Variants in EPSTI1 observed in about 807,000 individuals in gnomAD.
The protein encoded by EPSTI1 is epithelial-stromal interaction protein 1.
A neutral mutation model predicts 49.9 loss-of-function variants in EPSTI1; 66 were observed. That is an observed-to-expected ratio of 1.32 (90% CI 1.08 to 1.62). The LOEUF (loss-of-function observed/expected upper bound fraction) is 1.62. Among genes scored for constraint, EPSTI1 ranks in the 40% most tolerant of loss-of-function variants. The probability of loss-of-function intolerance (pLI) is 0.00; values close to 1 mark genes in which losing one functional copy is unlikely to be tolerated. For synonymous variants in EPSTI1, 137 were observed against 130.7 expected, an observed-to-expected ratio of 1.05 and a Z score of -0.33; for missense variants, 394 against 365.5, an observed-to-expected ratio of 1.08 and a Z score of -0.64.
rs1239574581 is a variant in EPSTI1, at chr13:42,888,375, T to C, written c.*119A>G. ...TCACTCCTGACTGCACGGTCAAGTG[T>C]GTGGGCAGTTGAAATTAAGGTAAAA... On this transcript the variant is annotated 3_prime_UTR_variant, in exon 11 of 11. Coordinates refer to ENST00000313624, the MANE Select transcript of EPSTI1 (RefSeq NM_033255.5). The C allele has an allele frequency of 1.2e-6, 2 of 1,613,976 alleles. No individual in the cohort carries two copies. Among genetic ancestry groups the C allele is most frequent in the East Asian group, 4.5e-5 (2 of 44,884 alleles).
chr13:42,926,150 C>T (rs2038169659), intron 7 of EPSTI1, among the ~76,000 whole-genome samples, 186 bp downstream of exon 7: 1 of 152,026 alleles, frequency 6.6e-6, no homozygotes, highest in South Asian at 2.1e-4. Flanking sequence ...AGTCCAGGTG[C>T]CCATAAAATA....
intron 6 of EPSTI1, among the ~76,000 whole-genome samples, chr13:42,947,301 T>TC (rs2038946333): frequency 2.1e-5 from 1 of 48,224 alleles, no homozygotes; most frequent in South Asian, 5.3e-4. Context: ...CCCAGACATT[T>TC]CAAAAAAAAA....
intron 6 of EPSTI1, among the ~76,000 whole-genome samples, chr13:42,940,966 A>C (rs2038733233): frequency 6.6e-6 from 1 of 152,176 alleles, no homozygotes; most frequent in South Asian, 2.1e-4. Flanking sequence ...TGTGAAATTA[A>C]GCCTTTATCC....
rs78689101 is a variant in EPSTI1, at chr13:42,915,595, G to C, written c.741+1946C>G. On this transcript the variant is annotated intron_variant, in intron 8 of 10. Transcript: ENST00000313624. ...ACAACACGTCAGGCAAAAAAAGAGA[G>C]AAGCAAAAGTAAGGTAGAATAGATG... Among the ~76,000 whole-genome samples the C allele has an allele frequency of 2.6e-5, 4 of 152,162 alleles. No individual in the cohort carries two copies. The East Asian group carries it at 5.8e-4, about 22-fold the overall frequency.
chr13:42,959,602 A>C (rs998806742), intron 5 of EPSTI1, among the ~76,000 whole-genome samples: 2 of 152,168 alleles, frequency 1.3e-5, no homozygotes, highest in African/African-American at 2.4e-5. Context: ...GTTAGTTCCT[A>C]CTTCACCGTA....
At chr13:42,947,496 G>A (rs886588633) in intron 6 of EPSTI1, among the ~76,000 whole-genome samples, 1 of 152,178 alleles carries the variant, frequency 6.6e-6, no homozygotes, top group Non-Finnish European at 1.5e-5. Flanking sequence ...TGTCATCCCT[G>A]ATGTCACTTC....
At chr13:42,973,800 C>T (rs1039779473) in intron 1 of EPSTI1, among the ~76,000 whole-genome samples, 9 of 152,200 alleles carry the variant, frequency 5.9e-5, no homozygotes, top group African/African-American at 2.2e-4. Flanking sequence ...CAACAACCAA[C>T]ATTTCGCATT....
At chr13:42,990,496 C>T (rs2040174540) in intron 1 of EPSTI1, among the ~76,000 whole-genome samples, 1 of 152,138 alleles carries the variant, frequency 6.6e-6, no homozygotes, top group Admixed American at 6.6e-5. Flanking sequence ...TCATGTTCAT[C>T]GTTAACTATT....
In EPSTI1 at chr13:42,922,312, A is replaced by G. The variant is rs916844099; in HGVS notation, c.657+4024T>C. On this transcript the variant is annotated intron_variant, in intron 7 of 10. Coordinates refer to ENST00000313624, the MANE Select transcript of EPSTI1 (RefSeq NM_033255.5). This position sits in a 1 kb window ranked among gnomAD's most constrained non-coding sequence, Gnocchi z 4.8. ...CTTTATGTGACAAAAGGGACTTTGCAGAAATTAAGGATCTGGAAGTGGAGA... is the reference window on the plus strand; with the variant it reads ...CTTTATGTGACAAAAGGGACTTTGCGGAAATTAAGGATCTGGAAGTGGAGA... Among the ~76,000 whole-genome samples the G allele has an allele frequency of 6.6e-6, 1 of 152,206 alleles. No homozygotes were observed. Among genetic ancestry groups the G allele is most frequent in the Non-Finnish European group, 1.5e-5 (1 of 68,032 alleles).
At chr13:42,955,074 A>G (rs1476182268) in intron 5 of EPSTI1, among the ~76,000 whole-genome samples, 1 of 152,232 alleles carries the variant, frequency 6.6e-6, no homozygotes, top group Non-Finnish European at 1.5e-5. Flanking sequence ...TCAGAAAAAA[A>G]CTAAAGGAAA....
intron 8 of EPSTI1, among the ~76,000 whole-genome samples, chr13:42,901,373 A>G (rs1004096769): frequency 6.6e-6 from 1 of 152,188 alleles, no homozygotes; most frequent in Admixed American, 6.5e-5. Context: ...CCCCCAAAAT[A>G]AAAAGACTTA....
At position 42,889,261 on chromosome 13, in the gene EPSTI1, AT is replaced by A. The variant is rs563086477; in HGVS notation, c.916-760del. On this transcript the variant is annotated intron_variant, in intron 10 of 10. Coordinates refer to ENST00000313624, the MANE Select transcript of EPSTI1 (RefSeq NM_033255.5). The stretch of plus-strand genomic sequence containing the variant: ...GAGAACCCTAGAAAAATAAAAAAAT[AT>A]ATTTTTTACATATAAAAGCAATTAT... 1.4e-4 allele frequency: 199 copies of A among 1,461,560 alleles called. 4 individuals are homozygous for A. In the South Asian group the frequency reaches 2.5e-3, roughly 18 times the overall value. The allele number at this position is 1,461,560 out of a possible 1,614,324, so 90.5% of individuals were successfully genotyped here. A position where few individuals can be genotyped will look rare whatever the true frequency, so the allele number is the denominator to read the frequency against.
intron 3 of EPSTI1, 62 bp downstream of exon 3, chr13:42,969,032 G>A: frequency 6.6e-7 from 1 of 1,516,442 alleles, no homozygotes; most frequent in Non-Finnish European, 9.1e-7. Context: ...TATGCAAGCT[G>A]CTTACAGGAT....
chr13:42,908,733 C>G (rs2037574407), intron 8 of EPSTI1, among the ~76,000 whole-genome samples: 1 of 151,882 alleles, frequency 6.6e-6, no homozygotes, highest in Non-Finnish European at 1.5e-5. Flanking sequence ...GTATCCAAAA[C>G]ACATAAGGTA....
At chr13:42,937,087 A>T (rs2038589722) in intron 6 of EPSTI1, among the ~76,000 whole-genome samples, 1 of 152,252 alleles carries the variant, frequency 6.6e-6, no homozygotes, top group African/African-American at 2.4e-5. Context: ...ATATTGCAAT[A>T]AAGTGAGTCA....
intron 3 of EPSTI1, among the ~76,000 whole-genome samples, chr13:42,964,955 C>A (rs1370650147): frequency 1.3e-5 from 2 of 152,186 alleles, no homozygotes. Flanking sequence ...TTCACTCTCA[C>A]AGAAGATGCA....
chr13:42,951,401 C>A (rs1352755979), intron 6 of EPSTI1, among the ~76,000 whole-genome samples: 1 of 152,180 alleles, frequency 6.6e-6, no homozygotes, highest in Non-Finnish European at 1.5e-5. Flanking sequence ...TTGTGTTTCT[C>A]AATAGGCTTT....
intron 5 of EPSTI1, among the ~76,000 whole-genome samples, chr13:42,961,932 T>C (rs1485151566): frequency 6.6e-6 from 1 of 152,208 alleles, no homozygotes. Flanking sequence ...TTTTAAAATA[T>C]AAGTGCTCCA....
intron 10 of EPSTI1, among the ~76,000 whole-genome samples, chr13:42,892,279 ATCTGACTTCTG>A (rs2037059270): frequency 6.6e-6 from 1 of 152,250 alleles, no homozygotes; most frequent in Non-Finnish European, 1.5e-5. Context: ...CAGAGTCAGA[ATCTGACTTCTG>A]TCAGTCTTGT....
Sources: gnomAD v4.1 joint callset for allele counts (sites outside exome capture counted in the v4.1 genomes callset) on GRCh38, gnomAD v4.1.1 for gene constraint, Gnocchi (gnomAD v3.1) non-coding constraint, MANE v1.5 for transcripts, NCBI Gene and HGNC (gene_info 2026-07-23, HGNC 2026-07-21) for gene names.